Variants in FAM117B observed in about 807,000 individuals in gnomAD.
The protein encoded by FAM117B is family with sequence similarity 117 member B.
A neutral mutation model predicts 52.8 loss-of-function variants in FAM117B; 22 were observed. The observed-to-expected ratio is 0.42, with a 90% CI of 0.30 to 0.59. The LOEUF (loss-of-function observed/expected upper bound fraction) is 0.59. Ranked by LOEUF, FAM117B falls within the 20% of genes least tolerant of loss-of-function variation. The pLI is 0.22. For synonymous variants in FAM117B, 309 were observed against 324.1 expected (o/e 0.95, Z 0.50); for missense variants, 678 against 802.6 (o/e 0.84, Z 1.88).
intron 1 of FAM117B, among the ~76,000 whole-genome samples, chr2:202,690,927 A>G (rs1690610859): frequency 6.6e-6 from 1 of 152,202 alleles, no homozygotes; most frequent in Admixed American, 6.5e-5. Flanking sequence ...ATTGAAATGG[A>G]AAAATGACAG....
intron 1 of FAM117B, among the ~76,000 whole-genome samples, chr2:202,641,264 G>A (rs1024137963): frequency 6.6e-6 from 1 of 152,232 alleles, no homozygotes; most frequent in East Asian, 1.9e-4. Flanking sequence ...TTTGCAGTTG[G>A]ATCTTAGAGG....
chr2:202,716,258 A>ATAAAT (rs1691054404), intron 2 of FAM117B, among the ~76,000 whole-genome samples: 1 of 149,212 alleles, frequency 6.7e-6, no homozygotes, highest in Admixed American at 6.6e-5. Flanking sequence ...TTTTTTTTTC[A>ATAAAT]GCGTATATAG....
intron 2 of FAM117B, among the ~76,000 whole-genome samples, chr2:202,720,604 CT>C (rs200581712): frequency 0.19 from 27,587 of 144,452 alleles, 3,076 homozygotes; most frequent in South Asian, 0.38. Flanking sequence ...CCCAATATGT[CT>C]TTTTTTTTTT....
intron 4 of FAM117B, among the ~76,000 whole-genome samples, chr2:202,732,745 T>C (rs1184657422): frequency 6.6e-6 from 1 of 151,948 alleles, no homozygotes; most frequent in East Asian, 1.9e-4. Flanking sequence ...CACCTGAACC[T>C]GGGCGGCAGA....
At chr2:202,702,070 A>T (rs993886141) in intron 2 of FAM117B, among the ~76,000 whole-genome samples, 1 of 152,180 alleles carries the variant, frequency 6.6e-6, no homozygotes, top group East Asian at 1.9e-4. Flanking sequence ...GAGTCCGTTG[A>T]TGCAGCAAAC....
At chr2:202,755,821 C>G in intron 5 of FAM117B, 140 bp downstream of exon 5, 2 of 819,776 alleles carry the variant, frequency 2.4e-6, no homozygotes, top group Non-Finnish European at 3.7e-6. Flanking sequence ...AATCTTTGAC[C>G]TGGGTGAGTG....
intron 1 of FAM117B, among the ~76,000 whole-genome samples, chr2:202,650,160 C>G (rs1343310630): frequency 6.6e-6 from 1 of 151,796 alleles, no homozygotes; most frequent in Non-Finnish European, 1.5e-5. Context: ...GCCTTAATTT[C>G]TTTGTTTGAA....
In FAM117B at chr2:202,674,698, G is replaced by A. The variant is rs1017028077; in HGVS notation, c.602-21183G>A. Among the ~76,000 whole-genome samples the A allele has an allele frequency of 1.5e-4, 23 of 152,146 alleles. 1 individual carries two copies. Among genetic ancestry groups the A allele is most frequent in the Admixed American group, 1.3e-3 (20 of 15,260 alleles). Reference sequence around the variant, plus strand: ...ACCCAGTTTCTTCTCCATCCACAGGGCTGTCCAGAAATTTCTTCTAAAATA... The same window carrying A: ...ACCCAGTTTCTTCTCCATCCACAGGACTGTCCAGAAATTTCTTCTAAAATA... On this transcript the variant is annotated intron_variant, in intron 1 of 7. Coordinates refer to ENST00000392238, the MANE Select transcript of FAM117B (RefSeq NM_173511.4).
chr2:202,653,140 C>T (rs1173557452), intron 1 of FAM117B, among the ~76,000 whole-genome samples: 1 of 152,090 alleles, frequency 6.6e-6, no homozygotes, highest in Admixed American at 6.6e-5. Flanking sequence ...AGGTGGCACA[C>T]ACCTGTAGTC....
intron 7 of FAM117B, among the ~76,000 whole-genome samples, chr2:202,762,575 T>C (rs553568037): frequency 2.6e-5 from 4 of 152,182 alleles, no homozygotes; most frequent in Non-Finnish European, 5.9e-5. Flanking sequence ...AAAAATAAAA[T>C]TTTAAAAACA....
intron 2 of FAM117B, among the ~76,000 whole-genome samples, chr2:202,696,726 T>G (rs1485196066): frequency 1.3e-5 from 2 of 151,876 alleles, no homozygotes; most frequent in African/African-American, 4.8e-5. Context: ...AAGCAAAGTT[T>G]TATACTTCTG....
intron 1 of FAM117B, among the ~76,000 whole-genome samples, chr2:202,659,903 G>A (rs1690104419): frequency 6.6e-6 from 1 of 151,910 alleles, no homozygotes; most frequent in African/African-American, 2.4e-5. Flanking sequence ...ACAGGTGTAA[G>A]CCACTGCGCC....
chr2:202,637,841 C>T (rs1302247572), intron 1 of FAM117B, among the ~76,000 whole-genome samples: 1 of 150,930 alleles, frequency 6.6e-6, no homozygotes, highest in African/African-American at 2.4e-5. Flanking sequence ...AAATATATAG[C>T]ACACCAAAAT....
intron 2 of FAM117B, among the ~76,000 whole-genome samples, chr2:202,724,317 A>G (rs1006530619): frequency 2.0e-5 from 3 of 152,202 alleles, no homozygotes; most frequent in Admixed American, 2.0e-4. Context: ...TGCTGGGATT[A>G]CAGGCGTGAG....
chr2:202,740,090 G>A (rs970894670), intron 4 of FAM117B, among the ~76,000 whole-genome samples: 6 of 139,644 alleles, frequency 4.3e-5, no homozygotes, highest in Admixed American at 1.6e-4. Context: ...GGAGAATGGC[G>A]TGCACCCAGG....
At chr2:202,706,858 A>G (rs1451299424) in intron 2 of FAM117B, among the ~76,000 whole-genome samples, 6 of 152,178 alleles carry the variant, frequency 3.9e-5, no homozygotes, top group Admixed American at 3.9e-4. Context: ...GCCTAAATTC[A>G]GTGACTTCAG....
chr2:202,676,213 C>T (rs893708938), intron 1 of FAM117B, among the ~76,000 whole-genome samples: 1 of 151,800 alleles, frequency 6.6e-6, no homozygotes, highest in Non-Finnish European at 1.5e-5. Flanking sequence ...TGCCAGTAGC[C>T]ATATGAATGA....
chr2:202,757,561 CT>C, intron 6 of FAM117B, 123 bp downstream of exon 6: 1 of 1,061,368 alleles, frequency 9.4e-7, no homozygotes, highest in Non-Finnish European at 1.4e-6. Flanking sequence ...TGTTCAAAGC[CT>C]AGGTTTTCAA....
rs184673994 is a variant in FAM117B at position 202,762,313 on chromosome 2, T to G, written c.1451+2960T>G. On this transcript the variant is annotated intron_variant, in intron 7 of 7. Transcript: ENST00000392238. ...GTTTACCTGAAAGAAAATAGGTGGT[T>G]GGATTTGGGCCCAAAAAGGACAAAA... is the stretch of plus-strand genomic sequence containing the variant. Among the ~76,000 whole-genome samples, 5 of 152,276 alleles carry G rather than the reference T, an allele frequency of 3.3e-5. No homozygotes were observed. In the East Asian group the frequency reaches 9.7e-4, roughly 29 times the overall value.
Sources: gnomAD v4.1 joint callset for allele counts (sites outside exome capture counted in the v4.1 genomes callset) on GRCh38, gnomAD v4.1.1 for gene constraint, MANE v1.5 for transcripts, NCBI Gene and HGNC (gene_info 2026-07-23, HGNC 2026-07-21) for gene names.